The following ABLIM2 variants were observed in gnomAD, a reference collection of about 807,000 sequenced individuals.
ABLIM2 encodes actin-binding LIM protein 2.
In ABLIM2, 53 loss-of-function variants were observed where a neutral mutation model predicts 97.7. That is an observed-to-expected ratio of 0.54 (90% CI 0.44 to 0.68). The LOEUF (loss-of-function observed/expected upper bound fraction) is 0.68. ABLIM2 is among the 30% of genes least tolerant of loss of function. ABLIM2 has a pLI of 0.00. For missense variants in ABLIM2, 835 were observed against 867.2 expected (o/e 0.96, Z 0.47); for synonymous variants, 361 against 345.8 (o/e 1.04, Z -0.49).
intron 1 of ABLIM2, among the ~76,000 whole-genome samples, chr4:8,131,774 C>T (rs1332898647): frequency 2.0e-5 from 2 of 101,382 alleles, no homozygotes; most frequent in Admixed American, 1.9e-4. Flanking sequence ...CACAGCAGCC[C>T]GCATCCCCTG....
intron 9 of ABLIM2, among the ~76,000 whole-genome samples, chr4:8,039,964 G>A (rs1446921413): frequency 6.7e-6 from 1 of 149,344 alleles, no homozygotes; most frequent in Non-Finnish European, 1.5e-5. Flanking sequence ...AAAGCCCCAT[G>A]GTTTATGGAG....
At position 8,004,031 on chromosome 4, in the gene ABLIM2, C is replaced by A. The variant is rs1267255895; in HGVS notation, c.1618+4028G>T. 1.3e-5 allele frequency among the ~76,000 whole-genome samples: 2 copies of A among 152,116 alleles called. No individual in the cohort carries two copies. Among genetic ancestry groups the A allele is most frequent in the African/African-American group, 2.4e-5 (1 of 41,414 alleles). On this transcript the variant is annotated intron_variant, in intron 16 of 20. Coordinates refer to ENST00000447017, the MANE Select transcript of ABLIM2 (RefSeq NM_001130083.2). The surrounding 1 kb of genome is among the most constrained non-coding windows in gnomAD (Gnocchi z 5.9). ...CACGGACTAAGGAACGCGAGAAGAA[C>A]TCTTCTGCCCCATCTTGCAGCTCCA... is the stretch of plus-strand genomic sequence containing the variant.
intron 20 of ABLIM2, among the ~76,000 whole-genome samples, chr4:7,980,391 C>A (rs1486326033): frequency 2.0e-5 from 3 of 152,064 alleles, no homozygotes; most frequent in Non-Finnish European, 4.4e-5. Context: ...ATATTGTACC[C>A]CTAAATATAT....
intron 1 of ABLIM2, among the ~76,000 whole-genome samples, chr4:8,151,515 C>T (rs559517248): frequency 1.3e-5 from 2 of 152,320 alleles, no homozygotes; most frequent in South Asian, 2.1e-4. Context: ...AGACCCTCAG[C>T]GTGAGGCCCA....
At chr4:8,088,451 C>T (rs533755302) in intron 3 of ABLIM2, among the ~76,000 whole-genome samples, 167 bp from the exon 4 acceptor site, 11 of 152,302 alleles carry the variant, frequency 7.2e-5, no homozygotes, top group Non-Finnish European at 1.5e-4. Flanking sequence ...ACTGCTGCGT[C>T]CCCGCAATAG....
chr4:8,100,580 C>A (rs60130040), intron 2 of ABLIM2, among the ~76,000 whole-genome samples: 2 of 151,864 alleles, frequency 1.3e-5, no homozygotes, highest in African/African-American at 4.8e-5. Flanking sequence ...AACCTCGACT[C>A]CACTAAAAAT....
intron 3 of ABLIM2, among the ~76,000 whole-genome samples, chr4:8,096,028 G>C (rs1561373453): frequency 6.6e-6 from 1 of 152,100 alleles, no homozygotes; most frequent in African/African-American, 2.4e-5. Flanking sequence ...ACATGTTCCA[G>C]CTGTGCCTGC....
intron 16 of ABLIM2, chr4:8,007,068 G>C (rs1761929587): frequency 1.0e-6 from 1 of 985,390 alleles, no homozygotes; most frequent in Non-Finnish European, 1.2e-6. Flanking sequence ...TCATTTCCAA[G>C]CTTCTGTGTC....
At position 8,061,135 on chromosome 4, in the gene ABLIM2, C is replaced by A; in HGVS notation, c.676-81G>T. On this transcript the variant is annotated intron_variant, in intron 6 of 20. Coordinates refer to ENST00000447017, the MANE Select transcript of ABLIM2 (RefSeq NM_001130083.2). This position sits in a 1 kb window ranked among gnomAD's most constrained non-coding sequence, Gnocchi z 4.5. Reference sequence around the variant, plus strand: ...GTCCCAGCGCCCGGCATGGATACAGCATGCCCTGAGCACAGGTACTCAGGG... The same window carrying A: ...GTCCCAGCGCCCGGCATGGATACAGAATGCCCTGAGCACAGGTACTCAGGG... The A allele has an allele frequency of 1.6e-6, 2 of 1,241,336 alleles. No homozygotes were observed. The highest frequency in any genetic ancestry group is 1.3e-5 in the South Asian group (1 of 76,836). The allele number at this position is 1,241,336 out of a possible 1,614,324, so 76.9% of individuals were successfully genotyped here.
At chr4:8,039,844 G>A (rs1291128860) in intron 9 of ABLIM2, among the ~76,000 whole-genome samples, 2 of 143,684 alleles carry the variant, frequency 1.4e-5, no homozygotes, top group Admixed American at 7.0e-5. Flanking sequence ...GGATGTAAAT[G>A]CTTTAATTTC....
At chr4:8,017,873 G>A (rs1770598610) in intron 14 of ABLIM2, among the ~76,000 whole-genome samples, 1 of 152,022 alleles carries the variant, frequency 6.6e-6, no homozygotes, top group Non-Finnish European at 1.5e-5. Context: ...TGCTCCTGTA[G>A]TCCCAGGTAC....
At chr4:8,016,419 T>C (rs1323217242) in intron 14 of ABLIM2, among the ~76,000 whole-genome samples, 1 of 152,112 alleles carries the variant, frequency 6.6e-6, no homozygotes, top group African/African-American at 2.4e-5. Context: ...CCCTGCCCGA[T>C]ATCAAGTGTC....
chr4:8,081,429 G>C (rs996292015), intron 4 of ABLIM2, among the ~76,000 whole-genome samples: 3 of 152,188 alleles, frequency 2.0e-5, no homozygotes, highest in African/African-American at 7.2e-5. Flanking sequence ...GGGCCTCCAG[G>C]TTTTGGCCCT....
chr4:7,974,161 A>ATCTG (rs760593708), intron 20 of ABLIM2, among the ~76,000 whole-genome samples: 4 of 152,274 alleles, frequency 2.6e-5, no homozygotes, highest in East Asian at 1.9e-4. Flanking sequence ...GGCTGTGGCT[A>ATCTG]TCTGTCTGTC....
In ABLIM2 at chr4:8,054,341, C is replaced by CGTCTGTGCATGG; in HGVS notation, c.764-96_764-95insCCATGCACAGAC. 5.3e-6 allele frequency: 7 copies of CGTCTGTGCATGG among 1,323,454 alleles called. No homozygotes were observed. The highest frequency in any genetic ancestry group is 7.5e-6 in the Non-Finnish European group (7 of 930,950). 82.0% of individuals were successfully genotyped at this position (1,323,454 alleles called of 1,614,324 possible). A position where few individuals can be genotyped will look rare whatever the true frequency, so the allele number is the denominator to read the frequency against. ...GCAGAGGAGGGAGCTGGTCCATGCA[C>CGTCTGTGCATGG]AGACGTGCACTCGGACTCCACCCTC... On this transcript the variant is annotated intron_variant, in intron 7 of 20. Coordinates refer to ENST00000447017, the MANE Select transcript of ABLIM2 (RefSeq NM_001130083.2). This position sits in a 1 kb window ranked among gnomAD's most constrained non-coding sequence, Gnocchi z 4.9.
intron 1 of ABLIM2, among the ~76,000 whole-genome samples, chr4:8,154,187 C>T (rs1356508188): frequency 6.6e-6 from 1 of 151,434 alleles, no homozygotes. Context: ...TGGTCTCCAT[C>T]TCCTGACCTT....
At chr4:7,979,677 G>GT (rs1224607430) in intron 20 of ABLIM2, among the ~76,000 whole-genome samples, 1 of 152,150 alleles carries the variant, frequency 6.6e-6, no homozygotes, top group East Asian at 1.9e-4. Flanking sequence ...CACCTTCATT[G>GT]TAGATTCACT....
intron 3 of ABLIM2, among the ~76,000 whole-genome samples, chr4:8,093,302 C>G (rs1355008991): frequency 6.6e-6 from 1 of 152,230 alleles, no homozygotes; most frequent in African/African-American, 2.4e-5. Flanking sequence ...ATGGCACTCT[C>G]TGCCAGCTGA....
At chr4:7,995,315 T>C (rs1286891162) in intron 16 of ABLIM2, among the ~76,000 whole-genome samples, 1 of 152,292 alleles carries the variant, frequency 6.6e-6, no homozygotes, top group South Asian at 2.1e-4. Context: ...ATCGGCCAGG[T>C]ACAGGGCCAG....
Sources: gnomAD v4.1 joint callset for allele counts (sites outside exome capture counted in the v4.1 genomes callset) on GRCh38, gnomAD v4.1.1 for gene constraint, Gnocchi (gnomAD v3.1) non-coding constraint, MANE v1.5 for transcripts, NCBI Gene and HGNC (gene_info 2026-07-23, HGNC 2026-07-21) for gene names.